The following TBX15 variants were observed in gnomAD, a reference collection of about 807,000 sequenced individuals.
TBX15 encodes T-box transcription factor 15, also known as T-box transcription factor TBX15.
TBX15 carries 18 observed loss-of-function variants against 53.9 expected under a neutral mutation model. The ratio of observed to expected loss-of-function variants is 0.33; its 90% CI spans 0.23 to 0.49. The LOEUF is 0.49. TBX15 is among the 20% of genes least tolerant of loss of function. TBX15 has a pLI of 0.98. For synonymous variants in TBX15, 295 were observed against 278.0 expected (o/e 1.06, Z -0.61); for missense variants, 692 against 749.5 (o/e 0.92, Z 0.90).
At chr1:118,936,512 T>C (rs1655971333) in intron 1 of TBX15, among the ~76,000 whole-genome samples, 1 of 151,834 alleles carries the variant, frequency 6.6e-6, no homozygotes. Flanking sequence ...TTTCCTTATC[T>C]TTACCATGGG....
chr1:118,914,569 A>G (rs1271886316), intron 5 of TBX15, among the ~76,000 whole-genome samples: 1 of 152,190 alleles, frequency 6.6e-6, no homozygotes, highest in Non-Finnish European at 1.5e-5. Flanking sequence ...GAGTAAACAA[A>G]TGATGTGTAA....
intron 1 of TBX15, among the ~76,000 whole-genome samples, chr1:118,962,275 T>C (rs1402531527): frequency 2.6e-5 from 4 of 152,220 alleles, no homozygotes; most frequent in East Asian, 1.9e-4. Context: ...AAAAATTGAC[T>C]ATCGCTTTTT....
intron 6 of TBX15, among the ~76,000 whole-genome samples, chr1:118,910,754 T>C (rs1320775503): frequency 6.6e-6 from 1 of 152,212 alleles, no homozygotes; most frequent in African/African-American, 2.4e-5. Flanking sequence ...GGCTTCTATC[T>C]TTAGTAATTC....
At chr1:118,975,819 A>C (rs1297997144) in intron 1 of TBX15, among the ~76,000 whole-genome samples, 1 of 152,186 alleles carries the variant, frequency 6.6e-6, no homozygotes, top group Non-Finnish European at 1.5e-5. Flanking sequence ...AAAATTGGAG[A>C]AGTATAGTAA....
chr1:118,902,724 G>A (rs1198826144), intron 6 of TBX15, among the ~76,000 whole-genome samples: 4 of 152,124 alleles, frequency 2.6e-5, no homozygotes, highest in African/African-American at 7.2e-5. Context: ...AGCTTCAGCA[G>A]AGTCTGAGTT....
chr1:118,899,041 C>T lies in TBX15; in HGVS notation c.1011G>A (p.Met337Ile). The change falls in exon 7 of 8, where the codon ATG becomes ATA. Residue 337 changes from methionine (M) to isoleucine (I), a missense_variant. Physicochemically the swap from Met to Ile is conservative, Grantham distance 10. Coordinates refer to ENST00000369429, the MANE Select transcript of TBX15 (RefSeq NM_001330677.2). ...CCAGGGCTTTACCTTGCTGCTTCTG[C>T]ATGGTGGTGAAGTCTTCGAAGGTGA... ...RTLTFEDFTT[M>I]QKQQGGSTGT... 6.2e-7 allele frequency: 1 copy of T among 1,613,606 alleles called. No individual in the cohort carries two copies. Among genetic ancestry groups the T allele is most frequent in the Non-Finnish European group, 8.5e-7 (1 of 1,179,716 alleles).
chr1:118,958,738 C>T lies in TBX15; in HGVS notation c.206-26906G>A, dbSNP rs532059008. ...TCCTGGGACTGCATTTCACCAATGT[C>T]TTATCTTATTAGGCATGTTGAGATG... On this transcript the variant is annotated intron_variant, in intron 1 of 7. Transcript: ENST00000369429. 3.9e-5 allele frequency among the ~76,000 whole-genome samples: 6 copies of T among 152,168 alleles called. No individual in the cohort carries two copies. The South Asian group carries it at 1.2e-3, about 32-fold the overall frequency.
chr1:118,899,194 C>A (rs1654532279), intron 6 of TBX15, 69 bp from the exon 7 acceptor site: 1 of 1,376,338 alleles, frequency 7.3e-7, no homozygotes, highest in South Asian at 1.2e-5. Context: ...TTTCAGAGAT[C>A]CAGAGGTGGA....
intron 5 of TBX15, 50 bp downstream of exon 5, chr1:118,923,386 A>C (rs536026789): frequency 1.2e-6 from 2 of 1,610,686 alleles, no homozygotes; most frequent in African/African-American, 2.7e-5. Context: ...TCTTATGCAG[A>C]AGGACCAAAA....
At chr1:118,895,546 T>C (rs17022698) in intron 7 of TBX15, among the ~76,000 whole-genome samples, 4,397 of 152,250 alleles carry the variant, frequency 0.029, 197 homozygotes, top group African/African-American at 0.1. Context: ...TCCTTTTCCT[T>C]CTATGTTTAT....
At chr1:118,951,376 C>T (rs1656505152) in intron 1 of TBX15, among the ~76,000 whole-genome samples, 1 of 152,216 alleles carries the variant, frequency 6.6e-6, no homozygotes, top group Non-Finnish European at 1.5e-5. Context: ...CGACAACTCT[C>T]TCCTAAGAAA....
chr1:118,898,129 G>T lies in TBX15; in HGVS notation c.1024+899C>A, dbSNP rs1348084648. On this transcript the variant is annotated intron_variant, in intron 7 of 7. Coordinates refer to ENST00000369429, the MANE Select transcript of TBX15 (RefSeq NM_001330677.2). ...GACGATAAAACTGGGTGTCAGAAAAGTTGAGGGACTTGACCAAGGTCACAA... is the reference window on the plus strand; with the variant it reads ...GACGATAAAACTGGGTGTCAGAAAATTTGAGGGACTTGACCAAGGTCACAA... 2.0e-5 allele frequency among the ~76,000 whole-genome samples: 3 copies of T among 152,328 alleles called. No individual in the cohort carries two copies. In the East Asian group the frequency reaches 5.8e-4, roughly 29 times the overall value.
chr1:118,910,131 A>G (rs1654982455), intron 6 of TBX15, among the ~76,000 whole-genome samples: 2 of 152,124 alleles, frequency 1.3e-5, no homozygotes, highest in Admixed American at 1.3e-4. Flanking sequence ...GGATTGTACT[A>G]GGAGGGATTG....
At chr1:118,987,445 A>G in intron 1 of TBX15, 146 bp downstream of exon 1, 1 of 1,041,762 alleles carries the variant, frequency 9.6e-7, no homozygotes, top group Non-Finnish European at 1.3e-6. Context: ...AGGGAGGCTC[A>G]GGGCATTTGC....
intron 7 of TBX15, among the ~76,000 whole-genome samples, chr1:118,893,588 A>G (rs1412174481): frequency 7.2e-6 from 1 of 137,974 alleles, no homozygotes; most frequent in African/African-American, 3.3e-5. Context: ...GAAAGAAAGG[A>G]AGGAAGGAAG....
intron 1 of TBX15, among the ~76,000 whole-genome samples, chr1:118,951,658 C>T (rs1325596612): frequency 6.6e-6 from 1 of 152,182 alleles, no homozygotes; most frequent in Non-Finnish European, 1.5e-5. Flanking sequence ...CTTATTGTTC[C>T]TGATTCCAAG....
intron 1 of TBX15, among the ~76,000 whole-genome samples, chr1:118,984,105 G>T (rs1262759090): frequency 1.3e-5 from 2 of 152,228 alleles, no homozygotes; most frequent in Non-Finnish European, 2.9e-5. Context: ...GCCCTGGGGC[G>T]GCCGCGCTTT....
At chr1:118,916,892 AAAAT>A (rs2101572061) in intron 5 of TBX15, among the ~76,000 whole-genome samples, 1 of 152,138 alleles carries the variant, frequency 6.6e-6, no homozygotes, top group African/African-American at 2.4e-5. Context: ...ATAAAAAATA[AAAAT>A]AAATAAATAA....
At chr1:118,908,062 G>A (rs1338250488) in intron 6 of TBX15, among the ~76,000 whole-genome samples, 1 of 152,062 alleles carries the variant, frequency 6.6e-6, no homozygotes, top group Non-Finnish European at 1.5e-5. Context: ...TTTAAACTAA[G>A]CCTATTTAGA....
Sources: gnomAD v4.1 joint callset for allele counts (sites outside exome capture counted in the v4.1 genomes callset) on GRCh38, gnomAD v4.1.1 for gene constraint, MANE v1.5 for transcripts, NCBI Gene and HGNC (gene_info 2026-07-23, HGNC 2026-07-21) for gene names.